The following NCOA4 variants were observed in gnomAD, a reference collection of about 807,000 sequenced individuals.
The protein encoded by NCOA4 is nuclear receptor coactivator 4, also known as 70 kDa AR-activator.
A neutral mutation model predicts 69.5 loss-of-function variants in NCOA4; 31 were observed. The ratio of observed to expected loss-of-function variants is 0.45; its 90% CI spans 0.34 to 0.60. NCOA4 has a LOEUF of 0.60. Ranked by LOEUF, NCOA4 falls within the 20% of genes least tolerant of loss-of-function variation. NCOA4 has a pLI of 0.02. For missense variants in NCOA4, 600 were observed against 719.2 expected (o/e 0.83, Z 1.90); for synonymous variants, 228 against 252.4 (o/e 0.90, Z 0.92).
Position 46,015,126 on chromosome 10 carries a change from C to G in NCOA4, c.282G>C (p.Ser94=). ...AATTCTAGCCATGCAGTCACCTTAC[C>G]GAGTAGAGCTGCTGAGCCTGCTGTT... ...TLQQQAQQLY[S]LLGQFNCLTH... Residue 94 remains serine (S), a splice_region_variant and synonymous_variant, in exon 3 of 10, where the codon TCG becomes TCC. Coordinates refer to ENST00000581486, the MANE Select transcript of NCOA4 (RefSeq NM_001145263.2). The G allele has an allele frequency of 1.2e-6, 2 of 1,614,144 alleles. No homozygotes were observed. Among genetic ancestry groups the G allele is most frequent in the Non-Finnish European group, 1.7e-6 (2 of 1,180,026 alleles).
chr10:46,006,648 C>G lies in NCOA4; in HGVS notation c.1840-51G>C, dbSNP rs569015169. 4 of 1,587,580 alleles carry G rather than the reference C, an allele frequency of 2.5e-6. No homozygotes were observed. In the South Asian group the frequency reaches 4.4e-5, roughly 18 times the overall value. ...AAGTTACTTCAATGAAGAATAAAAG[C>G]AAATTTTCCCTGCCTTAAAGCTCCG... On this transcript the variant is annotated intron_variant, in intron 9 of 9. Coordinates refer to ENST00000581486, the MANE Select transcript of NCOA4 (RefSeq NM_001145263.2).
At chr10:46,019,871 A>C (rs1554924021) in intron 1 of NCOA4, among the ~76,000 whole-genome samples, 1 of 152,204 alleles carries the variant, frequency 6.6e-6, no homozygotes, top group Admixed American at 6.5e-5. Flanking sequence ...GCCACGAAGA[A>C]AATCTGTTTC....
rs1554926367 is a variant in NCOA4 at position 46,030,575 on chromosome 10, A to C, written c.-64T>G. On this transcript the variant is annotated 5_prime_UTR_variant, in exon 1 of 10. Coordinates refer to ENST00000581486, the MANE Select transcript of NCOA4 (RefSeq NM_001145263.2). ...ATCCGAGGAGACCTTGGGTGGACTG[A>C]GACACGGCCCCACACTAACCTACGG... 6.6e-6 allele frequency: 1 copy of C among 152,294 alleles called. No homozygotes were observed. Among genetic ancestry groups the C allele is most frequent in the African/African-American group, 2.4e-5 (1 of 41,460 alleles). 9.4% of individuals were successfully genotyped at this position (152,294 alleles called of 1,614,324 possible).
chr10:46,012,060 CAAAAAGAAAGAAAAAAAAAA>C (rs1839244363), intron 7 of NCOA4, among the ~76,000 whole-genome samples: 1 of 34,530 alleles, frequency 2.9e-5, no homozygotes, highest in Non-Finnish European at 4.8e-5. Context: ...GACTCGGTCT[CAAAAAGAAAGAAAAAAAAAA>C]AAAAAAAAAA....
In NCOA4 at chr10:46,005,182, AT is replaced by A. The variant is rs1554919189; in HGVS notation, c.*1409del. ...ATTAACATAGTGATTAATGTAAATT[AT>A]ATTTTGACTTGTAAAATACAGTGTG... On this transcript the variant is annotated 3_prime_UTR_variant, in exon 10 of 10. Transcript: ENST00000581486. 4.9e-6 allele frequency: 1 copy of A among 203,840 alleles called. No homozygotes were observed. The highest frequency in any genetic ancestry group is 1.0e-5 in the Non-Finnish European group (1 of 99,258). The allele number at this position is 203,840 out of a possible 1,614,324, so 12.6% of individuals were successfully genotyped here.
Position 46,015,286 on chromosome 10 carries a change from T to G in NCOA4, c.142-20A>C, listed in dbSNP as rs1340234325. On this transcript the variant is annotated intron_variant, in intron 2 of 9. Transcript: ENST00000581486. ...TTTGACCTAGGAAACACATACATGTTAGCTTCCTAGTGTTAATCCCAAAGA... is the reference window on the plus strand; with the variant it reads ...TTTGACCTAGGAAACACATACATGTGAGCTTCCTAGTGTTAATCCCAAAGA... 2 of 1,545,866 alleles carry G rather than the reference T, an allele frequency of 1.3e-6. No homozygotes were observed. Among genetic ancestry groups the G allele is most frequent in the Non-Finnish European group, 1.8e-6 (2 of 1,140,436 alleles).
rs1442104170 is a variant in NCOA4 at position 46,005,090 on chromosome 10, T to C, written c.*1502A>G. On this transcript the variant is annotated 3_prime_UTR_variant, in exon 10 of 10. Coordinates refer to ENST00000581486, the MANE Select transcript of NCOA4 (RefSeq NM_001145263.2). ...TTTTAAAAATAACACGCAACAACTA[T>C]GGCTGTTATGCTTTTAATGGAAGCA... The C allele has an allele frequency of 5.4e-6, 1 of 185,140 alleles. No individual in the cohort carries two copies. The allele number at this position is 185,140 out of a possible 1,614,324, so 11.5% of individuals were successfully genotyped here.
intron 1 of NCOA4, among the ~76,000 whole-genome samples, chr10:46,017,880 G>A (rs1392994879): frequency 6.6e-6 from 1 of 152,188 alleles, no homozygotes; most frequent in Non-Finnish European, 1.5e-5. Context: ...TTTAAACACT[G>A]AGAAAATGAC....
At chr10:46,025,058 T>C (rs782626183) in intron 1 of NCOA4, among the ~76,000 whole-genome samples, 1 of 152,122 alleles carries the variant, frequency 6.6e-6, no homozygotes, top group African/African-American at 2.4e-5. Context: ...TGACAGGCTG[T>C]CTGCAAGCTG....
In NCOA4 at chr10:46,023,285, C is replaced by T. The variant is rs782628783; in HGVS notation, c.-14-6591G>A. The T allele has an allele frequency of 3.2e-4, 311 of 985,360 alleles. 2 individuals are homozygous for T. Among genetic ancestry groups the T allele is most frequent in the Non-Finnish European group, 3.4e-4 (285 of 829,956 alleles). 61.0% of individuals were successfully genotyped at this position (985,360 alleles called of 1,614,324 possible). ...CCCGGCGCCAGCCCTGCAAGGCTAC[C>T]GGCCTCAAGGGCTCCCGCTACGGCC... On this transcript the variant is annotated intron_variant, in intron 1 of 9. Coordinates refer to ENST00000581486, the MANE Select transcript of NCOA4 (RefSeq NM_001145263.2).
At chr10:46,023,405 G>C in intron 1 of NCOA4, 1 of 985,712 alleles carries the variant, frequency 1.0e-6, no homozygotes, top group East Asian at 1.1e-4. Context: ...GAGTGCGAAA[G>C]GTCCCCGAGC....
chr10:46,028,064 T>C (rs1421047974), intron 1 of NCOA4, among the ~76,000 whole-genome samples: 1 of 152,202 alleles, frequency 6.6e-6, no homozygotes, highest in Non-Finnish European at 1.5e-5. Context: ...TCTTCCCCTC[T>C]ACCCTTACTC....
rs1454080147 is a variant in NCOA4, at chr10:46,010,379, A to G, written c.1542T>C (p.Thr514=). 6.2e-7 allele frequency: 1 copy of G among 1,614,086 alleles called. No individual in the cohort carries two copies. The highest frequency in any genetic ancestry group is 1.3e-5 in the African/African-American group (1 of 74,932). The part of the protein sequence containing the change: ...KEGSPKEVPG[T]EDRAGKQKFK... ...ACTTCTGTTTGCCAGCTCTGTCTTC[A>G]GTACCAGGCACTTCCTTGGGACTTC... is the stretch of plus-strand genomic sequence containing the variant. The change falls in exon 8 of 10, where the codon ACT becomes ACC. Residue 514 remains threonine, a synonymous_variant. Transcript: ENST00000581486.
At chr10:46,025,322 T>C (rs1021632092) in intron 1 of NCOA4, among the ~76,000 whole-genome samples, 2 of 152,220 alleles carry the variant, frequency 1.3e-5, no homozygotes, top group African/African-American at 4.8e-5. Context: ...CCCAGCAGAT[T>C]GGATGGTGCC....
Position 46,005,933 on chromosome 10 carries a change from T to C in NCOA4, c.*659A>G. On this transcript the variant is annotated 3_prime_UTR_variant, in exon 10 of 10. Coordinates refer to ENST00000581486, the MANE Select transcript of NCOA4 (RefSeq NM_001145263.2). ...GAGTCCTTCTAAAGAGCTCACTGGATATTTTAATAACATTTACAGAAAGAC... is the reference window on the plus strand; with the variant it reads ...GAGTCCTTCTAAAGAGCTCACTGGACATTTTAATAACATTTACAGAAAGAC... The C allele has an allele frequency of 4.8e-6, 1 of 206,834 alleles. No individual in the cohort carries two copies. The highest frequency in any genetic ancestry group is 7.4e-5 in the East Asian group (1 of 13,526). The allele number at this position is 206,834 out of a possible 1,614,324, so 12.8% of individuals were successfully genotyped here. A position where few individuals can be genotyped will look rare whatever the true frequency, so the allele number is the denominator to read the frequency against.
At position 46,015,174 on chromosome 10, in the gene NCOA4, A is replaced by G. The variant is rs782811069; in HGVS notation, c.234T>C (p.Tyr78=). Residue 78 remains tyrosine (Y), a synonymous_variant, in exon 3 of 10, where the codon TAT becomes TAC. Coordinates refer to ENST00000581486, the MANE Select transcript of NCOA4 (RefSeq NM_001145263.2). ...VWLYEQVDLI[Y]QLKEETLQQQ... ...GTTGAAGTGTCTCCTCTTTAAGCTG[A>G]TAAATAAGGTCCACCTGTTCATACA... is the stretch of plus-strand genomic sequence containing the variant. The G allele has an allele frequency of 2.5e-6, 4 of 1,614,184 alleles. No individual in the cohort carries two copies. The highest frequency in any genetic ancestry group is 3.4e-6 in the Non-Finnish European group (4 of 1,180,032).
Position 46,010,828 on chromosome 10 carries a change from T to C in NCOA4, c.1093A>G (p.Asn365Asp). 2 of 1,613,980 alleles carry C rather than the reference T, an allele frequency of 1.2e-6. No individual in the cohort carries two copies. Among genetic ancestry groups the C allele is most frequent in the Non-Finnish European group, 1.7e-6 (2 of 1,179,862 alleles). ...AAGTGGTCATTCAGGCACTTCAGAT[T>C]GCCCAGGTTTTCAATCTCCACACCT... is the stretch of plus-strand genomic sequence containing the variant. ...PKGVEIENLG[N>D]LKCLNDHLEA... Residue 365 changes from asparagine (N) to aspartate (D), a missense_variant, in exon 8 of 10, where the codon AAT becomes GAT. Coordinates refer to ENST00000581486, the MANE Select transcript of NCOA4 (RefSeq NM_001145263.2).
At position 46,005,181 on chromosome 10, in the gene NCOA4, T is replaced by G. The variant is rs1401590162; in HGVS notation, c.*1411A>C. The G allele has an allele frequency of 4.9e-6, 1 of 203,710 alleles. No individual in the cohort carries two copies. Among genetic ancestry groups the G allele is most frequent in the Non-Finnish European group, 1.0e-5 (1 of 99,110 alleles). The allele number at this position is 203,710 out of a possible 1,614,324, so 12.6% of individuals were successfully genotyped here. ...CATTAACATAGTGATTAATGTAAAT[T>G]ATATTTTGACTTGTAAAATACAGTG... is the stretch of plus-strand genomic sequence containing the variant. On this transcript the variant is annotated 3_prime_UTR_variant, in exon 10 of 10. Transcript: ENST00000581486.
In NCOA4 at chr10:46,005,733, A is replaced by T. The variant is rs1341227298; in HGVS notation, c.*859T>A. 1 of 216,148 alleles carries T rather than the reference A, an allele frequency of 4.6e-6. No individual in the cohort carries two copies. The highest frequency in any genetic ancestry group is 9.3e-6 in the Non-Finnish European group (1 of 107,014). 13.4% of individuals were successfully genotyped at this position (216,148 alleles called of 1,614,324 possible). A position where few individuals can be genotyped will look rare whatever the true frequency, so the allele number is the denominator to read the frequency against. On this transcript the variant is annotated 3_prime_UTR_variant, in exon 10 of 10. Coordinates refer to ENST00000581486, the MANE Select transcript of NCOA4 (RefSeq NM_001145263.2). ...CAGGTGTCAAGCTCAGCTTCCATTT[A>T]CACAGGATGCACCAATTATCCCTAT...
Sources: gnomAD v4.1 joint callset for allele counts (sites outside exome capture counted in the v4.1 genomes callset) on GRCh38, gnomAD v4.1.1 for gene constraint, MANE v1.5 for transcripts, NCBI Gene and HGNC (gene_info 2026-07-23, HGNC 2026-07-21) for gene names.